GRIK4: variants seen among roughly 807,000 people sequenced by gnomAD.
GRIK4 encodes the protein glutamate ionotropic receptor kainate type subunit 4, also known as glutamate receptor ionotropic, kainate 4.
A neutral mutation model predicts 104.9 loss-of-function variants in GRIK4; 40 were observed. The observed-to-expected ratio is 0.38, with a 90% CI of 0.30 to 0.50. The LOEUF is 0.50. Among genes scored for constraint, GRIK4 ranks in the 20% least tolerant of loss-of-function variants. GRIK4 has a pLI of 0.93. For missense variants in GRIK4, 1,047 were observed against 1,308.1 expected (o/e 0.80, Z 3.08); for synonymous variants, 485 against 524.9 (o/e 0.92, Z 1.04).
In GRIK4 at chr11:120,940,433, A is replaced by G. The variant is rs1214301732; in HGVS notation, c.1563A>G (p.Gly521=). The G allele has an allele frequency of 6.2e-7, 1 of 1,610,128 alleles. No individual in the cohort carries two copies. The highest frequency in any genetic ancestry group is 8.5e-7 in the Non-Finnish European group (1 of 1,176,508). Residue 521 remains glycine (G), a synonymous_variant, in exon 14 of 21, where the codon GGA becomes GGG. Coordinates refer to ENST00000527524, the MANE Select transcript of GRIK4 (RefSeq NM_014619.5). This position sits in a 1 kb window ranked among gnomAD's most constrained non-coding sequence, Gnocchi z 4.3. ...IDFSKPFMTL[G]ISILYRVHMG... ...TCTCTAAGCCATTCATGACTCTGGG[A>G]ATTAGCATTCTTTACCGCGTTCATA... is the stretch of plus-strand genomic sequence containing the variant.
chr11:120,597,878 C>T (rs968950439), intron 1 of GRIK4, among the ~76,000 whole-genome samples: 4 of 152,060 alleles, frequency 2.6e-5, no homozygotes, highest in African/African-American at 7.2e-5. Flanking sequence ...GAGTGCCTGC[C>T]GTTGAAGACT....
chr11:120,560,937 C>T (rs1489215321), intron 1 of GRIK4, among the ~76,000 whole-genome samples: 2 of 152,190 alleles, frequency 1.3e-5, no homozygotes, highest in Non-Finnish European at 2.9e-5. Flanking sequence ...CCTCCTTCCC[C>T]CCTTCCACGC....
intron 8 of GRIK4, among the ~76,000 whole-genome samples, chr11:120,843,050 C>T (rs1953756355): frequency 6.6e-6 from 1 of 152,270 alleles, no homozygotes; most frequent in African/African-American, 2.4e-5. Flanking sequence ...CAGGAGCTGC[C>T]ATCTCAGCAG....
chr11:120,568,793 C>T (rs1948362297), intron 1 of GRIK4, among the ~76,000 whole-genome samples: 1 of 152,118 alleles, frequency 6.6e-6, no homozygotes, highest in African/African-American at 2.4e-5. Flanking sequence ...GAGGTTTGCT[C>T]CCCACCCAGC....
chr11:120,875,506 G>T (rs1337016468), intron 11 of GRIK4, among the ~76,000 whole-genome samples: 1 of 152,174 alleles, frequency 6.6e-6, no homozygotes, highest in East Asian at 1.9e-4. Flanking sequence ...ATGTAAGGGG[G>T]GGAATTCCCA....
intron 11 of GRIK4, among the ~76,000 whole-genome samples, chr11:120,880,680 G>A (rs1162166882): frequency 1.3e-5 from 2 of 152,228 alleles, no homozygotes; most frequent in African/African-American, 4.8e-5. Flanking sequence ...CCTTGAGCAT[G>A]TCCTGGGCTG....
At chr11:120,890,190 A>G (rs960289699) in intron 11 of GRIK4, among the ~76,000 whole-genome samples, 1 of 152,140 alleles carries the variant, frequency 6.6e-6, no homozygotes, top group Non-Finnish European at 1.5e-5. Context: ...ACATTATCTC[A>G]GTTGCTTATC....
At chr11:120,650,015 A>G (rs1187125624) in intron 1 of GRIK4, among the ~76,000 whole-genome samples, 4 of 152,098 alleles carry the variant, frequency 2.6e-5, no homozygotes, top group Non-Finnish European at 5.9e-5. Context: ...GTGGCCTCAG[A>G]TAAATGTCAG....
At chr11:120,748,240 T>C (rs1230537646) in intron 3 of GRIK4, among the ~76,000 whole-genome samples, 1 of 152,092 alleles carries the variant, frequency 6.6e-6, no homozygotes, top group Non-Finnish European at 1.5e-5. Context: ...GTTGTGTCCA[T>C]TGGAAACCTT....
chr11:120,753,711 T>C (rs1185803837), intron 3 of GRIK4, among the ~76,000 whole-genome samples: 1 of 152,162 alleles, frequency 6.6e-6, no homozygotes, highest in Non-Finnish European at 1.5e-5. Flanking sequence ...CCGGCCCTTG[T>C]CTTTCAAAAT....
At chr11:120,954,816 CACACACACACACACAA>C (rs1297238720) in intron 15 of GRIK4, among the ~76,000 whole-genome samples, 5,750 of 88,218 alleles carry the variant, frequency 0.065, 397 homozygotes, top group African/African-American at 0.22. Flanking sequence ...CACACACACA[CACACACACACACACAA>C]ACAATACTGG....
rs1951860070 is a variant in GRIK4 at position 120,767,459 on chromosome 11, A to G, written c.83-35234A>G. On this transcript the variant is annotated intron_variant, in intron 3 of 20. Transcript: ENST00000527524. ...AAATTTTGGATGTCAACTTCTTATC[A>G]GATATGTGGTTTGCACATATTTTTT... is the stretch of plus-strand genomic sequence containing the variant. 2.6e-5 allele frequency among the ~76,000 whole-genome samples: 4 copies of G among 152,280 alleles called. No homozygotes were observed. The East Asian group carries it at 7.7e-4, about 29-fold the overall frequency.
chr11:120,974,420 G>A (rs928254139), intron 19 of GRIK4, among the ~76,000 whole-genome samples: 4 of 152,218 alleles, frequency 2.6e-5, no homozygotes, highest in Admixed American at 6.5e-5. Flanking sequence ...GGAACTATGA[G>A]TGGGTCTGTT....
intron 1 of GRIK4, among the ~76,000 whole-genome samples, chr11:120,600,190 A>T (rs537634206): frequency 6.6e-6 from 1 of 152,284 alleles, no homozygotes; most frequent in South Asian, 2.1e-4. Flanking sequence ...CAGAAAAATG[A>T]GACTCTTAAA....
At chr11:120,858,118 C>A (rs7103097) in intron 8 of GRIK4, 30,427 of 152,110 alleles carry the variant, frequency 0.2, 3,267 homozygotes, top group African/African-American at 0.29. Flanking sequence ...CCATGAGAAC[C>A]TGTTCCACCC....
Position 120,736,553 on chromosome 11 carries a change from T to C in GRIK4, c.83-66140T>C, listed in dbSNP as rs11822352. Reference sequence around the variant, plus strand: ...TTACTGGTAGTGGTATTAGTATTGTTATTGTTATTCTGAGGCTGTTGGATG... The same window carrying C: ...TTACTGGTAGTGGTATTAGTATTGTCATTGTTATTCTGAGGCTGTTGGATG... On this transcript the variant is annotated intron_variant, in intron 3 of 20. Coordinates refer to ENST00000527524, the MANE Select transcript of GRIK4 (RefSeq NM_014619.5). Among the ~76,000 whole-genome samples the C allele has an allele frequency of 4.8e-3, 731 of 152,326 alleles. 8 individuals carry two copies. Among genetic ancestry groups the C allele is most frequent in the African/African-American group, 0.017 (688 of 41,572 alleles).
chr11:120,895,821 A>G (rs1024647497), intron 11 of GRIK4, among the ~76,000 whole-genome samples: 1 of 152,164 alleles, frequency 6.6e-6, no homozygotes, highest in African/African-American at 2.4e-5. Context: ...CACATCTAAC[A>G]CATCAGGTGT....
At chr11:120,604,473 G>A (rs767704968) in intron 1 of GRIK4, among the ~76,000 whole-genome samples, 5 of 152,248 alleles carry the variant, frequency 3.3e-5, no homozygotes, top group African/African-American at 4.8e-5. Context: ...TGGGCTGGCC[G>A]GCAGGTTTAA....
chr11:120,527,292 C>G (rs550754332), intron 1 of GRIK4, among the ~76,000 whole-genome samples: 1 of 152,300 alleles, frequency 6.6e-6, no homozygotes, highest in African/African-American at 2.4e-5. Context: ...TCCCTGCGGC[C>G]CCAGGGTGGA....
Sources: allele counts gnomAD v4.1 joint callset (sites outside exome capture counted in the v4.1 genomes callset), GRCh38; gene constraint gnomAD v4.1.1; non-coding constraint Gnocchi (gnomAD v3.1); transcripts MANE v1.5; gene names NCBI Gene and HGNC (gene_info 2026-07-23, HGNC 2026-07-21).